Variants in CACNG2 observed in about 807,000 individuals in gnomAD.
CACNG2 encodes voltage-dependent calcium channel gamma-2 subunit.
Under a neutral mutation model 25.9 loss-of-function variants are expected in CACNG2, and 3 were observed. The observed-to-expected ratio is 0.12, with a 90% CI of 0.05 to 0.30. CACNG2 has a LOEUF of 0.30. CACNG2 is among the 10% of genes least tolerant of loss of function. The probability of loss-of-function intolerance (pLI) is 1.00; values close to 1 mark genes in which losing one functional copy is unlikely to be tolerated. For synonymous variants in CACNG2, 167 were observed against 173.3 expected, an observed-to-expected ratio of 0.96 and a Z score of 0.29; for missense variants, 341 against 432.5, an observed-to-expected ratio of 0.79 and a Z score of 1.88.
intron 1 of CACNG2, among the ~76,000 whole-genome samples, chr22:36,689,286 G>A (rs968493549): frequency 1.3e-5 from 2 of 152,168 alleles, no homozygotes; most frequent in Admixed American, 1.3e-4. Flanking sequence ...CAGTCCCTGG[G>A]CTATGGCAGG....
At chr22:36,610,145 A>G (rs1267088419) in intron 1 of CACNG2, among the ~76,000 whole-genome samples, 2 of 150,832 alleles carry the variant, frequency 1.3e-5, no homozygotes, top group African/African-American at 4.9e-5. Context: ...GGCAGGAATC[A>G]GTATCCCAGA....
chr22:36,669,673 C>T (rs570807402), intron 1 of CACNG2, among the ~76,000 whole-genome samples: 19 of 152,116 alleles, frequency 1.2e-4, no homozygotes, highest in African/African-American at 4.6e-4. Context: ...CATAGTTAAT[C>T]GTTTTTCTTT....
intron 1 of CACNG2, among the ~76,000 whole-genome samples, chr22:36,636,344 C>T (rs1462429738): frequency 2.0e-5 from 3 of 152,158 alleles, no homozygotes; most frequent in African/African-American, 7.2e-5. Context: ...ACCTACATGC[C>T]ATCCGTTTCT....
chr22:36,635,283 CAAA>C (rs138390510), intron 1 of CACNG2, among the ~76,000 whole-genome samples: 14 of 67,564 alleles, frequency 2.1e-4, no homozygotes, highest in Admixed American at 1.8e-4. Flanking sequence ...GACCCCGTCT[CAAA>C]AAAAAAAAAA....
At chr22:36,633,903 T>C (rs2058910409) in intron 1 of CACNG2, among the ~76,000 whole-genome samples, 1 of 152,214 alleles carries the variant, frequency 6.6e-6, no homozygotes, top group South Asian at 2.1e-4. Context: ...CTCACTGCAG[T>C]TTGGAATTGG....
At chr22:36,593,528 G>C (rs1033663450) in intron 1 of CACNG2, among the ~76,000 whole-genome samples, 1 of 152,158 alleles carries the variant, frequency 6.6e-6, no homozygotes, top group Non-Finnish European at 1.5e-5. Context: ...GAGTTTGCAG[G>C]GGCGGTGGTG....
chr22:36,682,980 T>G (rs910175134), intron 1 of CACNG2, among the ~76,000 whole-genome samples: 1 of 152,236 alleles, frequency 6.6e-6, no homozygotes, highest in Non-Finnish European at 1.5e-5. Context: ...TCAGCTTCAT[T>G]GCGAGAACGC....
chr22:36,674,922 C>T (rs751455121), intron 1 of CACNG2, among the ~76,000 whole-genome samples: 10 of 152,172 alleles, frequency 6.6e-5, no homozygotes, highest in Non-Finnish European at 1.0e-4. Flanking sequence ...GTTCCTGCCT[C>T]AAAGGATTGT....
chr22:36,568,614 A>G (rs1383925345), intron 2 of CACNG2, among the ~76,000 whole-genome samples: 3 of 152,020 alleles, frequency 2.0e-5, no homozygotes, highest in African/African-American at 4.8e-5. Context: ...TATGTTGGCC[A>G]GGCTGGTCTT....
At position 36,702,274 on chromosome 22, in the gene CACNG2, G is replaced by A. The variant is rs1475303223; in HGVS notation, c.211+92C>T. 9 of 793,382 alleles carry A rather than the reference G, an allele frequency of 1.1e-5. No individual in the cohort carries two copies. In the East Asian group the frequency reaches 1.9e-4, roughly 17 times the overall value. 49.1% of individuals were successfully genotyped at this position (793,382 alleles called of 1,614,324 possible). On this transcript the variant is annotated intron_variant, in intron 1 of 3. Transcript: ENST00000300105. Reference sequence around the variant, plus strand: ...GAGTGAACTAAGAAAATGGTGGAATGTAAAGGGGACTTATTTGGAGGAGGG... The same window carrying A: ...GAGTGAACTAAGAAAATGGTGGAATATAAAGGGGACTTATTTGGAGGAGGG...
chr22:36,655,682 T>TCTTC (rs1253995553), intron 1 of CACNG2, among the ~76,000 whole-genome samples: 2 of 151,812 alleles, frequency 1.3e-5, no homozygotes, highest in Non-Finnish European at 2.9e-5. Context: ...TCTCTTCCTT[T>TCTTC]CTTCCTTCCT....
At chr22:36,655,032 A>C (rs1031521420) in intron 1 of CACNG2, among the ~76,000 whole-genome samples, 5 of 151,468 alleles carry the variant, frequency 3.3e-5, no homozygotes, top group African/African-American at 1.2e-4. Context: ...GGGAGGGGGG[A>C]AAACAGAATG....
intron 1 of CACNG2, among the ~76,000 whole-genome samples, chr22:36,651,876 G>A (rs781469121): frequency 3.3e-5 from 5 of 151,780 alleles, no homozygotes; most frequent in African/African-American, 4.8e-5. Context: ...TGTTTCTTTT[G>A]TTTTTGAGAC....
intron 1 of CACNG2, among the ~76,000 whole-genome samples, chr22:36,594,859 T>C (rs1164367233): frequency 6.7e-6 from 1 of 150,150 alleles, no homozygotes; most frequent in African/African-American, 2.5e-5. Flanking sequence ...TGTGTGTGTG[T>C]GCATGGGTGT....
intron 1 of CACNG2, among the ~76,000 whole-genome samples, chr22:36,700,663 G>C (rs1307278525): frequency 6.6e-6 from 1 of 152,220 alleles, no homozygotes; most frequent in Non-Finnish European, 1.5e-5. Context: ...ATGACTAGCT[G>C]TATGAAAGGC....
chr22:36,589,815 A>T (rs1389154626), intron 1 of CACNG2, among the ~76,000 whole-genome samples: 2 of 151,888 alleles, frequency 1.3e-5, no homozygotes, highest in Non-Finnish European at 2.9e-5. Context: ...TGTTTTCCTA[A>T]TCCAACCATG....
At chr22:36,587,699 C>T (rs1474277505) in intron 1 of CACNG2, 151 bp from the exon 2 acceptor site, 2 of 728,738 alleles carry the variant, frequency 2.7e-6, no homozygotes, top group East Asian at 2.5e-5. Context: ...TCCGTTTGGA[C>T]ATCTGCCTGG....
At chr22:36,587,597 G>A (rs1474687873) in intron 1 of CACNG2, 49 bp from the exon 2 acceptor site, 2 of 1,328,790 alleles carry the variant, frequency 1.5e-6, no homozygotes, top group South Asian at 1.2e-5. Context: ...AGTTTTGGGG[G>A]CGCTTAGGGC....
rs116528573 is a variant in CACNG2, at chr22:36,580,143, C to T, written c.295+7322G>A. ...CTAGGAAGATGACAATGAGCATCATCCCCATTGCAAGGAAACCGAGGCCCA... is the reference window on the plus strand; with the variant it reads ...CTAGGAAGATGACAATGAGCATCATTCCCATTGCAAGGAAACCGAGGCCCA... On this transcript the variant is annotated intron_variant, in intron 2 of 3. Coordinates refer to ENST00000300105, the MANE Select transcript of CACNG2 (RefSeq NM_006078.5). Among the ~76,000 whole-genome samples the T allele has an allele frequency of 9.7e-3, 1,476 of 152,286 alleles. 23 individuals are homozygous for T. The highest frequency in any genetic ancestry group is 0.034 in the African/African-American group (1,398 of 41,554).
Sources: allele counts gnomAD v4.1 joint callset (sites outside exome capture counted in the v4.1 genomes callset), GRCh38; gene constraint gnomAD v4.1.1; transcripts MANE v1.5; gene names NCBI Gene and HGNC (gene_info 2026-07-23, HGNC 2026-07-21).